Variants in SNTG1 observed in about 807,000 individuals in gnomAD.
SNTG1 encodes the protein syntrophin gamma 1, also known as gamma-1-syntrophin.
SNTG1 carries 39 observed loss-of-function variants against 74.7 expected under a neutral mutation model. That is an observed-to-expected ratio of 0.52 (90% CI 0.40 to 0.68). SNTG1 has a LOEUF of 0.68. Ranked by LOEUF, SNTG1 falls within the 30% of genes least tolerant of loss-of-function variation. The probability of loss-of-function intolerance (pLI) is 0.00; values close to 1 mark genes in which losing one functional copy is unlikely to be tolerated. For synonymous variants in SNTG1, 254 were observed against 217.1 expected (o/e 1.17, Z -1.49); for missense variants, 685 against 609.5 (o/e 1.12, Z -1.30).
At chr8:50,450,100 A>G (rs140498826) in intron 6 of SNTG1, among the ~76,000 whole-genome samples, 119 of 152,366 alleles carry the variant, frequency 7.8e-4, no homozygotes, top group East Asian at 3.9e-4. Flanking sequence ...TACTCAGCTA[A>G]CCATTCATAA....
chr8:50,211,018 T>G (rs2084496548), intron 2 of SNTG1, among the ~76,000 whole-genome samples: 1 of 152,172 alleles, frequency 6.6e-6, no homozygotes, highest in Non-Finnish European at 1.5e-5. Flanking sequence ...GATTGCTTCT[T>G]TCAAGTCTAA....
At chr8:50,118,398 C>A (rs2080895699) in intron 1 of SNTG1, among the ~76,000 whole-genome samples, 1 of 152,182 alleles carries the variant, frequency 6.6e-6, no homozygotes, top group Non-Finnish European at 1.5e-5. Context: ...GATTTATTAA[C>A]TGCTAAGTGT....
intron 1 of SNTG1, among the ~76,000 whole-genome samples, chr8:49,913,160 A>G (rs1032100997): frequency 6.6e-5 from 10 of 152,204 alleles, no homozygotes; most frequent in African/African-American, 2.4e-4. Flanking sequence ...ACATTTCACT[A>G]AGAATCCGAT....
intron 1 of SNTG1, among the ~76,000 whole-genome samples, chr8:50,008,725 A>G (rs905836577): frequency 3.8e-4 from 58 of 152,192 alleles, no homozygotes; most frequent in Non-Finnish European, 7.9e-4. Context: ...GTCTCAGTTA[A>G]TCAAATTATA....
chr8:49,963,745 T>G (rs1387339117), intron 1 of SNTG1, among the ~76,000 whole-genome samples: 2 of 152,248 alleles, frequency 1.3e-5, no homozygotes, highest in African/African-American at 2.4e-5. Flanking sequence ...AGCAATGCTA[T>G]GAATAGCTCC....
chr8:50,197,166 G>C (rs1333862046), intron 2 of SNTG1, among the ~76,000 whole-genome samples: 1 of 152,004 alleles, frequency 6.6e-6, no homozygotes, highest in Non-Finnish European at 1.5e-5. Flanking sequence ...TTTCTTTGTG[G>C]TCTTCACTTG....
intron 1 of SNTG1, among the ~76,000 whole-genome samples, chr8:49,992,398 A>G (rs905736862): frequency 1.3e-5 from 2 of 152,184 alleles, no homozygotes; most frequent in African/African-American, 2.4e-5. Context: ...TCCATTTTAC[A>G]TATTAGGATT....
chr8:50,535,664 C>A (rs560162981), intron 10 of SNTG1, among the ~76,000 whole-genome samples: 61 of 152,330 alleles, frequency 4.0e-4, no homozygotes, highest in African/African-American at 1.3e-3. Context: ...CCACAATTAA[C>A]ATAAAATGCC....
intron 8 of SNTG1, among the ~76,000 whole-genome samples, chr8:50,481,093 A>T (rs1300921404): frequency 2.0e-5 from 3 of 152,224 alleles, no homozygotes; most frequent in Non-Finnish European, 4.4e-5. Context: ...TGATAAACAT[A>T]CAGCACAGGC....
At chr8:50,107,512 C>T (rs887815694) in intron 1 of SNTG1, among the ~76,000 whole-genome samples, 4 of 151,814 alleles carry the variant, frequency 2.6e-5, no homozygotes, top group Non-Finnish European at 4.4e-5. Context: ...TTATCTCAAA[C>T]ATTATTTTAA....
At chr8:49,925,432 CTG>C (rs969083342) in intron 1 of SNTG1, among the ~76,000 whole-genome samples, 2 of 150,906 alleles carry the variant, frequency 1.3e-5, no homozygotes, top group African/African-American at 2.4e-5. Context: ...ACTAATTTGC[CTG>C]TGTGTGTGTA....
intron 10 of SNTG1, among the ~76,000 whole-genome samples, chr8:50,535,888 A>G (rs2094303700): frequency 6.6e-6 from 1 of 152,218 alleles, no homozygotes; most frequent in Non-Finnish European, 1.5e-5. Flanking sequence ...TTGAGCTTAC[A>G]ACCCATGCCA....
chr8:50,613,114 A>G (rs2130997371), intron 13 of SNTG1, among the ~76,000 whole-genome samples: 1 of 152,328 alleles, frequency 6.6e-6, no homozygotes, highest in East Asian at 1.9e-4. Flanking sequence ...TTAGAATTCA[A>G]TAATAGAAAC....
intron 18 of SNTG1, among the ~76,000 whole-genome samples, chr8:50,776,825 C>G (rs1054245032): frequency 7.2e-5 from 11 of 151,746 alleles, no homozygotes; most frequent in African/African-American, 2.7e-4. Flanking sequence ...TTGATTTTCC[C>G]TTAATTTCTG....
At chr8:50,617,805 C>T (rs533975438) in intron 13 of SNTG1, among the ~76,000 whole-genome samples, 1 of 152,324 alleles carries the variant, frequency 6.6e-6, no homozygotes, top group East Asian at 1.9e-4. Context: ...CAGTGCTTTT[C>T]TATACAATGT....
chr8:49,935,303 A>G (rs549180518), intron 1 of SNTG1, among the ~76,000 whole-genome samples: 1 of 150,716 alleles, frequency 6.6e-6, no homozygotes, highest in Admixed American at 6.7e-5. Flanking sequence ...ATGTTTGGAG[A>G]GCAACCTACT....
intron 8 of SNTG1, among the ~76,000 whole-genome samples, chr8:50,468,686 G>A (rs897135098): frequency 6.6e-6 from 1 of 151,998 alleles, no homozygotes; most frequent in African/African-American, 2.4e-5. Context: ...TCTATTTATT[G>A]CTTTGGTTCT....
At chr8:50,154,157 G>A (rs907176454) in intron 1 of SNTG1, among the ~76,000 whole-genome samples, 10 of 152,226 alleles carry the variant, frequency 6.6e-5, no homozygotes, top group Admixed American at 3.9e-4. Flanking sequence ...TCAGACTGCT[G>A]TGCTACCAGT....
At chr8:50,398,884 C>T (rs1008471952) in intron 3 of SNTG1, among the ~76,000 whole-genome samples, 2 of 152,132 alleles carry the variant, frequency 1.3e-5, no homozygotes, top group South Asian at 2.1e-4. Flanking sequence ...GAGCCAAGAT[C>T]GCTCCACTGC....
Sources: allele counts gnomAD v4.1 joint callset (sites outside exome capture counted in the v4.1 genomes callset), GRCh38; gene constraint gnomAD v4.1.1; transcripts MANE v1.5; gene names NCBI Gene and HGNC (gene_info 2026-07-23, HGNC 2026-07-21).